The following RAI14 variants were observed in gnomAD, a reference collection of about 807,000 sequenced individuals.
The protein encoded by RAI14 is ankycorbin.
RAI14 carries 45 observed loss-of-function variants against 115.4 expected under a neutral mutation model. The ratio of observed to expected loss-of-function variants is 0.39; its 90% CI spans 0.31 to 0.50. The LOEUF is 0.50. RAI14 is among the 20% of genes least tolerant of loss of function. The pLI, the probability that RAI14 is intolerant of heterozygous loss-of-function variation, is 0.85. For missense variants in RAI14, 939 were observed against 1,131.2 expected (o/e 0.83, Z 2.44); for synonymous variants, 371 against 415.4 (o/e 0.89, Z 1.30).
rs373656866 is a variant in RAI14 at position 34,672,386 on chromosome 5, G to A, written c.-48-14486G>A. 1.1e-3 allele frequency among the ~76,000 whole-genome samples: 163 copies of A among 152,252 alleles called. 9 individuals carry two copies. The South Asian group carries it at 0.033, about 31-fold the overall frequency. On this transcript the variant is annotated intron_variant, in intron 1 of 17. Transcript: ENST00000265109. ...ATGTAGGTTTGTGGATATGTGTGGG[G>A]TGTGGGGGGGGAGCATATTCAGTCT...
intron 5 of RAI14, among the ~76,000 whole-genome samples, chr5:34,805,282 TC>T (rs1754727727): frequency 6.6e-6 from 1 of 152,158 alleles, no homozygotes; most frequent in Admixed American, 6.5e-5. Context: ...TGGGCTGTTT[TC>T]CCAGGTCCTG....
chr5:34,830,702 A>T lies in RAI14; in HGVS notation c.2880A>T (p.Glu960Asp), dbSNP rs757793480. 1.9e-6 allele frequency: 3 copies of T among 1,614,042 alleles called. No individual in the cohort carries two copies. Among genetic ancestry groups the T allele is most frequent in the Non-Finnish European group, 2.5e-6 (3 of 1,180,010 alleles). The change falls in exon 18 of 18, where the codon GAA (glutamate) becomes GAT (aspartate). Residue 960 changes from glutamate to aspartate, a missense_variant. Coordinates refer to ENST00000265109, the MANE Select transcript of RAI14 (RefSeq NM_015577.3). ...GAATATCCTAGGGCCAGATGGATGA[A>T]GATGTCCAGAAAGTACTGAAGCAAA... The part of the protein sequence containing the change: ...LLYAVQGQMD[E>D]DVQKVLKQIL...
Position 34,832,507 on chromosome 5 carries a change from C to T in RAI14, c.*1742C>T, listed in dbSNP as rs1037619096. ...CTTGTTTCCGGATGCATATTTATTA[C>T]GAGTACTCTGGTTAAATATTGAAAA... On this transcript the variant is annotated 3_prime_UTR_variant, in exon 18 of 18. Transcript: ENST00000265109. 2.0e-5 allele frequency: 3 copies of T among 152,528 alleles called. No individual in the cohort carries two copies. Among genetic ancestry groups the T allele is most frequent in the Non-Finnish European group, 4.4e-5 (3 of 68,020 alleles). 9.4% of individuals were successfully genotyped at this position (152,528 alleles called of 1,614,324 possible). A position where few individuals can be genotyped will look rare whatever the true frequency, so the allele number is the denominator to read the frequency against.
chr5:34,829,344 C>T (rs539413347), intron 16 of RAI14, among the ~76,000 whole-genome samples: 44 of 152,174 alleles, frequency 2.9e-4, no homozygotes, highest in African/African-American at 9.6e-4. Flanking sequence ...CTGACTACTA[C>T]GCCTGGCTAA....
At chr5:34,665,870 A>G (rs557336160) in intron 1 of RAI14, among the ~76,000 whole-genome samples, 2 of 152,328 alleles carry the variant, frequency 1.3e-5, no homozygotes, top group East Asian at 3.9e-4. Context: ...ACATGAGTGA[A>G]AAGTAATAAT....
chr5:34,759,012 A>G (rs1156408918), intron 3 of RAI14, among the ~76,000 whole-genome samples: 1 of 152,200 alleles, frequency 6.6e-6, no homozygotes, highest in African/African-American at 2.4e-5. Flanking sequence ...CTGTAATCCC[A>G]GCACTTTGGG....
chr5:34,821,780 TTCTC>T lies in RAI14; in HGVS notation c.1049_1052del (p.Ser350TyrfsTer32). The T allele has an allele frequency of 1.2e-6, 2 of 1,612,884 alleles. No homozygotes were observed. The highest frequency in any genetic ancestry group is 1.7e-6 in the Non-Finnish European group (2 of 1,179,268). On this transcript the variant is annotated frameshift_variant, in exon 14 of 18. Transcript: ENST00000265109. LOFTEE classifies it high-confidence loss of function. ...AGTTCTGAAGCTGACCAACAAGATC[TTCTC>T]TCTCTATTGCAAGCAAAAGTTGCTT...
chr5:34,697,416 A>G (rs536367144), intron 2 of RAI14, among the ~76,000 whole-genome samples: 5 of 151,768 alleles, frequency 3.3e-5, no homozygotes, highest in African/African-American at 4.8e-5. Flanking sequence ...AGCCTGGGCA[A>G]CAAGAGTAAA....
At chr5:34,751,613 T>G (rs1747031409) in intron 2 of RAI14, among the ~76,000 whole-genome samples, 1 of 152,238 alleles carries the variant, frequency 6.6e-6, no homozygotes, top group Non-Finnish European at 1.5e-5. Context: ...AGTTGTAGTT[T>G]GTTCATTTTC....
intron 2 of RAI14, among the ~76,000 whole-genome samples, chr5:34,714,344 A>G (rs1741759733): frequency 6.6e-6 from 1 of 152,216 alleles, no homozygotes; most frequent in Non-Finnish European, 1.5e-5. Flanking sequence ...GTGCAAAATA[A>G]CTTCAAATTT....
intron 3 of RAI14, among the ~76,000 whole-genome samples, chr5:34,789,481 G>A (rs1165014144): frequency 2.6e-5 from 4 of 152,248 alleles, no homozygotes; most frequent in African/African-American, 9.6e-5. Flanking sequence ...AGCTGCTCAA[G>A]TGTGGGCGTT....
intron 3 of RAI14, among the ~76,000 whole-genome samples, chr5:34,782,853 A>C (rs116030040): frequency 0.027 from 4,109 of 152,302 alleles, 195 homozygotes; most frequent in African/African-American, 0.093. Flanking sequence ...CCATAGGGGA[A>C]TAATCAATGA....
intron 2 of RAI14, among the ~76,000 whole-genome samples, chr5:34,756,352 C>A (rs980501156): frequency 1.3e-5 from 2 of 152,114 alleles, no homozygotes; most frequent in Non-Finnish European, 2.9e-5. Flanking sequence ...GCTGTTAATA[C>A]GAAATACCTG....
In RAI14 at chr5:34,803,720, G is replaced by T; in HGVS notation, c.265G>T (p.Ala89Ser). Residue 89 changes from alanine to serine, a missense_variant, in exon 5 of 18, where the codon GCC becomes TCC. Coordinates refer to ENST00000265109, the MANE Select transcript of RAI14 (RefSeq NM_015577.3). ...TGAAAAAATCCATTTAGGACACAGCGCCTTACATCTCGCAGCCAAGAACAG... is the reference window on the plus strand; with the variant it reads ...TGAAAAAATCCATTTAGGACACAGCTCCTTACATCTCGCAGCCAAGAACAG... ...VTAQDTTGHSALHLAAKNSHH... is the reference protein window; with the variant it reads ...VTAQDTTGHSSLHLAAKNSHH... 6.2e-7 allele frequency: 1 copy of T among 1,610,250 alleles called. No homozygotes were observed. The highest frequency in any genetic ancestry group is 8.5e-7 in the Non-Finnish European group (1 of 1,178,250).
intron 13 of RAI14, among the ~76,000 whole-genome samples, chr5:34,820,355 A>T (rs1756694402): frequency 6.6e-6 from 1 of 152,198 alleles, no homozygotes. Flanking sequence ...CGAGGTGGGC[A>T]GATCACCTGA....
At position 34,832,424 on chromosome 5, in the gene RAI14, A is replaced by G. The variant is rs979311576; in HGVS notation, c.*1659A>G. ...TTCTGCCCCCGCACAGAAATGCTGC[A>G]GAGTATATAAAACTTGAGACATTTT... On this transcript the variant is annotated 3_prime_UTR_variant, in exon 18 of 18. Transcript: ENST00000265109. 6 of 152,674 alleles carry G rather than the reference A, an allele frequency of 3.9e-5. No individual in the cohort carries two copies. Among genetic ancestry groups the G allele is most frequent in the Non-Finnish European group, 8.8e-5 (6 of 68,046 alleles). 9.5% of individuals were successfully genotyped at this position (152,674 alleles called of 1,614,324 possible). A position where few individuals can be genotyped will look rare whatever the true frequency, so the allele number is the denominator to read the frequency against.
intron 3 of RAI14, among the ~76,000 whole-genome samples, chr5:34,792,420 C>G (rs1040681967): frequency 5.3e-5 from 8 of 151,828 alleles, no homozygotes; most frequent in Admixed American, 4.6e-4. Context: ...ATTTTTAGTA[C>G]AGACGGGGTT....
chr5:34,786,383 A>T (rs1239672338), intron 3 of RAI14, among the ~76,000 whole-genome samples: 4 of 152,138 alleles, frequency 2.6e-5, no homozygotes, highest in Non-Finnish European at 5.9e-5. Context: ...GAAAAGAAAG[A>T]TCTGGAGGGT....
In RAI14 at chr5:34,796,098, A is replaced by G. The variant is rs539999128; in HGVS notation, c.256+71A>G. The G allele has an allele frequency of 8.3e-5, 105 of 1,270,670 alleles. No individual in the cohort carries two copies. The African/African-American group carries it at 1.2e-3, about 14-fold the overall frequency. 78.7% of individuals were successfully genotyped at this position (1,270,670 alleles called of 1,614,324 possible). On this transcript the variant is annotated intron_variant, in intron 4 of 17. Coordinates refer to ENST00000265109, the MANE Select transcript of RAI14 (RefSeq NM_015577.3). ...AGGTATCAAAAAGTAATACATATTC[A>G]TTATGGAAAATTTAAGGCCAGGTGT...
Sources: allele counts gnomAD v4.1 joint callset (sites outside exome capture counted in the v4.1 genomes callset), GRCh38; gene constraint gnomAD v4.1.1; transcripts MANE v1.5; gene names NCBI Gene and HGNC (gene_info 2026-07-23, HGNC 2026-07-21).